Variants in SLC35G2 observed in about 807,000 individuals in gnomAD.
SLC35G2 encodes the protein solute carrier family 35 member G2, also known as transmembrane protein 22.
A neutral mutation model predicts 27.2 loss-of-function variants in SLC35G2; 20 were observed. That is an observed-to-expected ratio of 0.74 (90% confidence interval 0.52 to 1.07). The LOEUF (loss-of-function observed/expected upper bound fraction) is 1.07, where lower values mean the gene tolerates loss of function less well. Ranked by LOEUF, SLC35G2 falls within the 50% of genes least tolerant of loss-of-function variation. The pLI is 0.00. For missense variants in SLC35G2, 416 were observed against 493.3 expected (o/e 0.84, Z 1.48); for synonymous variants, 148 against 165.3 (o/e 0.90, Z 0.80).
intron 1 of SLC35G2, among the ~76,000 whole-genome samples, chr3:136,837,121 T>G (rs1168128450): frequency 1.3e-5 from 2 of 151,714 alleles, no homozygotes; most frequent in Non-Finnish European, 2.9e-5. Context: ...GAAAATATAC[T>G]AGTATGTATC....
intron 1 of SLC35G2, among the ~76,000 whole-genome samples, chr3:136,821,718 C>T (rs1376890314): frequency 1.3e-5 from 2 of 152,214 alleles, no homozygotes; most frequent in East Asian, 3.8e-4. Context: ...AGGCGTATGC[C>T]ACTGCACCCG....
intron 1 of SLC35G2, among the ~76,000 whole-genome samples, chr3:136,825,648 A>G (rs970219878): frequency 3.3e-5 from 5 of 152,202 alleles, no homozygotes; most frequent in African/African-American, 9.6e-5. Context: ...CTCAGCATTA[A>G]TTGAAATGAT....
intron 1 of SLC35G2, among the ~76,000 whole-genome samples, chr3:136,847,476 A>AT (rs1937440675): frequency 6.6e-6 from 1 of 152,202 alleles, no homozygotes; most frequent in Non-Finnish European, 1.5e-5. Flanking sequence ...ATTCTAACGT[A>AT]TATCAGAATT....
chr3:136,824,778 C>G (rs1184853723), intron 1 of SLC35G2, among the ~76,000 whole-genome samples: 1 of 152,076 alleles, frequency 6.6e-6, no homozygotes, highest in African/African-American at 2.4e-5. Context: ...TTTTTAAGTT[C>G]TAGGGTACAT....
intron 1 of SLC35G2, 77 bp from the exon 2 acceptor site, chr3:136,854,366 T>A: frequency 1.1e-6 from 1 of 918,218 alleles, no homozygotes; most frequent in Non-Finnish European, 1.6e-6. Context: ...TATCATTGAA[T>A]TGATGCATAT....
At chr3:136,843,535 A>G (rs1937203192) in intron 1 of SLC35G2, among the ~76,000 whole-genome samples, 2 of 151,940 alleles carry the variant, frequency 1.3e-5, no homozygotes, top group Admixed American at 1.3e-4. Flanking sequence ...AATCCCAGCT[A>G]CGTGGGAGGT....
In SLC35G2 at chr3:136,855,246, G is replaced by C; in HGVS notation, c.786G>C (p.Val262=). The change falls in exon 2 of 2, where the codon GTG becomes GTC. Residue 262 remains valine, a synonymous_variant. Transcript: ENST00000446465. ...AAGCCTTTGGGTACACCATGACTGT[G>C]ATGGCTGGACTGACCACTGCTCTCT... ...WKEAFGYTMT[V]MAGLTTALSM... The C allele has an allele frequency of 6.2e-7, 1 of 1,614,202 alleles. No individual in the cohort carries two copies. The highest frequency in any genetic ancestry group is 8.5e-7 in the Non-Finnish European group (1 of 1,180,028).
At chr3:136,834,715 G>A (rs962214613) in intron 1 of SLC35G2, among the ~76,000 whole-genome samples, 1 of 152,120 alleles carries the variant, frequency 6.6e-6, no homozygotes, top group African/African-American at 2.4e-5. Flanking sequence ...CATTTATTAT[G>A]TGTCTAGCTC....
chr3:136,829,320 CA>C (rs1470613931), intron 1 of SLC35G2, among the ~76,000 whole-genome samples: 1 of 152,008 alleles, frequency 6.6e-6, no homozygotes, highest in African/African-American at 2.4e-5. Context: ...CTCCCGGGTT[CA>C]AGCGATTCTC....
At chr3:136,846,288 T>C (rs1414298685) in intron 1 of SLC35G2, among the ~76,000 whole-genome samples, 1 of 152,200 alleles carries the variant, frequency 6.6e-6, no homozygotes, top group African/African-American at 2.4e-5. Context: ...GGGATCTAGC[T>C]TGGGAAATAG....
At chr3:136,827,459 C>A (rs571313727) in intron 1 of SLC35G2, among the ~76,000 whole-genome samples, 1 of 152,290 alleles carries the variant, frequency 6.6e-6, no homozygotes, top group East Asian at 1.9e-4. Context: ...AGCAATCTGC[C>A]GGCCTCAGCC....
At chr3:136,839,048 AC>A (rs1263894373) in intron 1 of SLC35G2, 1 of 151,648 alleles carries the variant, frequency 6.6e-6, no homozygotes, top group Non-Finnish European at 1.5e-5. Context: ...GCTCCTTCCT[AC>A]CCTTAACAGC....
At chr3:136,821,701 G>C (rs530440720) in intron 1 of SLC35G2, among the ~76,000 whole-genome samples, 186 of 152,296 alleles carry the variant, frequency 1.2e-3, no homozygotes, top group Middle Eastern at 0.01. Context: ...CAAAGTGCCA[G>C]GATTACAGGC....
rs138936697 is a variant in SLC35G2 at position 136,839,974 on chromosome 3, G to A, written c.-18-14469G>A. ...TGACACAGCCCAGCAAAATCCTCAG[G>A]TCTGTCTACCATTCTCCTATAGCCT... On this transcript the variant is annotated intron_variant, in intron 1 of 1. Coordinates refer to ENST00000446465, the MANE Select transcript of SLC35G2 (RefSeq NM_025246.3). Among the ~76,000 whole-genome samples the A allele has an allele frequency of 2.9e-3, 436 of 152,176 alleles. 3 individuals are homozygous for A. Among genetic ancestry groups the A allele is most frequent in the African/African-American group, 0.01 (417 of 41,510 alleles).
At chr3:136,828,877 T>G (rs966231504) in intron 1 of SLC35G2, among the ~76,000 whole-genome samples, 1 of 152,092 alleles carries the variant, frequency 6.6e-6, no homozygotes, top group African/African-American at 2.4e-5. Context: ...TTTCTTGCTT[T>G]GTGTGTGTGT....
intron 1 of SLC35G2, chr3:136,820,433 C>T (rs183077575): frequency 2.4e-4 from 37 of 152,260 alleles, no homozygotes; most frequent in Admixed American, 9.8e-4. Context: ...TGGAGCAGGC[C>T]CAACACTGAA....
At chr3:136,843,814 G>T (rs896976494) in intron 1 of SLC35G2, among the ~76,000 whole-genome samples, 9 of 150,262 alleles carry the variant, frequency 6.0e-5, no homozygotes, top group Non-Finnish European at 1.0e-4. Context: ...CACCCCTGTA[G>T]TCCCAGCTAC....
chr3:136,826,337 G>C (rs1483356621), intron 1 of SLC35G2, among the ~76,000 whole-genome samples: 1 of 152,056 alleles, frequency 6.6e-6, no homozygotes. Flanking sequence ...ACGAGGTCCT[G>C]GGCTTTTCTT....
rs890932953 is a variant in SLC35G2, at chr3:136,819,234, C to T, written c.-413C>T. 1 of 152,264 alleles carries T rather than the reference C, an allele frequency of 6.6e-6. No homozygotes were observed. The highest frequency in any genetic ancestry group is 1.9e-4 in the East Asian group (1 of 5,202). The allele number at this position is 152,264 out of a possible 1,614,324, so 9.4% of individuals were successfully genotyped here. A position where few individuals can be genotyped will look rare whatever the true frequency, so the allele number is the denominator to read the frequency against. On this transcript the variant is annotated 5_prime_UTR_variant, in exon 1 of 2. Transcript: ENST00000446465. ...ACGCAGGTAACCGGGCCCCGGGAGC[C>T]GGTCGGCGGCGGCGGACTGGGACCT...
Sources: allele counts gnomAD v4.1 joint callset (sites outside exome capture counted in the v4.1 genomes callset), GRCh38; gene constraint gnomAD v4.1.1; transcripts MANE v1.5; gene names NCBI Gene and HGNC (gene_info 2026-07-23, HGNC 2026-07-21).